TBC1D13: variants seen among roughly 807,000 people sequenced by gnomAD.
TBC1D13 encodes the protein TBC1 domain family member 13.
TBC1D13 carries 40 observed loss-of-function variants against 53.6 expected under a neutral mutation model. That is an observed-to-expected ratio of 0.75 (90% CI 0.58 to 0.97). The LOEUF (loss-of-function observed/expected upper bound fraction) is 0.97. Ranked by LOEUF, TBC1D13 falls within the 50% of genes least tolerant of loss-of-function variation. The probability of loss-of-function intolerance (pLI) is 0.00; values close to 1 mark genes in which losing one functional copy is unlikely to be tolerated. For missense variants in TBC1D13, 377 were observed against 499.4 expected (o/e 0.75, Z 2.34); for synonymous variants, 182 against 197.7 (o/e 0.92, Z 0.67).
At chr9:128,787,603 C>T (rs967211729) in intron 1 of TBC1D13, among the ~76,000 whole-genome samples, 5 of 151,880 alleles carry the variant, frequency 3.3e-5, no homozygotes, top group Admixed American at 1.3e-4. Flanking sequence ...TCATCCTGGA[C>T]CCCTGGTGTC....
At chr9:128,792,657 G>C in intron 6 of TBC1D13, 83 bp downstream of exon 6, 2 of 1,284,096 alleles carry the variant, frequency 1.6e-6, no homozygotes, top group Non-Finnish European at 2.2e-6. Context: ...TTTGCAGGCC[G>C]GGCCTATGGG....
rs1589574928 is a variant in TBC1D13, at chr9:128,803,126, T to G, written c.544-124T>G. 1.3e-5 allele frequency: 10 copies of G among 789,752 alleles called. No homozygotes were observed. The East Asian group carries it at 2.6e-4, about 21-fold the overall frequency. The allele number at this position is 789,752 out of a possible 1,614,324, so 48.9% of individuals were successfully genotyped here. Reference sequence around the variant, plus strand: ...TGGAATGCAATGGTGTAATCACGGCTCACTGCAGCCTCGACCACTGGGGCT... The same window carrying G: ...TGGAATGCAATGGTGTAATCACGGCGCACTGCAGCCTCGACCACTGGGGCT... On this transcript the variant is annotated intron_variant, in intron 7 of 11. Transcript: ENST00000372648.
In TBC1D13 at chr9:128,803,236, C is replaced by T. The variant is rs1324034223; in HGVS notation, c.544-14C>T. ...CATTGTCTTTCTTGATGGGCTCCTC[C>T]TCTTCTCCTCCAGATGAGCTCCCCA... On this transcript the variant is annotated splice_polypyrimidine_tract_variant and intron_variant, in intron 7 of 11. Transcript: ENST00000372648. The T allele has an allele frequency of 1.2e-6, 2 of 1,612,132 alleles. No homozygotes were observed. Among genetic ancestry groups the T allele is most frequent in the South Asian group, 1.1e-5 (1 of 91,034 alleles).
intron 3 of TBC1D13, among the ~76,000 whole-genome samples, chr9:128,791,068 T>C (rs1326277703): frequency 6.6e-6 from 1 of 152,152 alleles, no homozygotes; most frequent in Non-Finnish European, 1.5e-5. Context: ...TGCCCAAAGC[T>C]CCCAGCTCAG....
intron 9 of TBC1D13, among the ~76,000 whole-genome samples, chr9:128,804,720 G>GTTTTTTTTTTTTTTTTTTT (rs1170366996): frequency 1.8e-5 from 1 of 56,392 alleles, no homozygotes; most frequent in Non-Finnish European, 3.0e-5. Context: ...TTTTTTTTCT[G>GTTTTTTTTTTTTTTTTTTT]TTTTTTTTTT....
Position 128,803,424 on chromosome 9 carries a change from TA to T in TBC1D13, c.719del (p.Tyr240SerfsTer56). 6.2e-7 allele frequency: 1 copy of T among 1,614,172 alleles called. No homozygotes were observed. The part of the protein sequence containing the change: ...GMNEIVGPLY[Y>X]TFATDPNSEW... The stretch of plus-strand genomic sequence containing the variant: ...GAATGAAATCGTGGGGCCCCTCTAC[TA>T]CACCTTTGCCACCGACCCCAATAGT... On this transcript the variant is annotated frameshift_variant, in exon 8 of 12. Coordinates refer to ENST00000372648, the MANE Select transcript of TBC1D13 (RefSeq NM_018201.5). LOFTEE classifies it high-confidence loss of function.
At position 128,808,977 on chromosome 9, in the gene TBC1D13, T is replaced by C. The variant is rs531150143; in HGVS notation, c.*1098T>C. 3.9e-5 allele frequency: 6 copies of C among 152,254 alleles called. No homozygotes were observed. In the East Asian group the frequency reaches 1.2e-3, roughly 30 times the overall value. The allele number at this position is 152,254 out of a possible 1,614,324, so 9.4% of individuals were successfully genotyped here. A position where few individuals can be genotyped will look rare whatever the true frequency, so the allele number is the denominator to read the frequency against. ...CTGTCCGAAAAGAAAAGGACCTTGATTCTGAGCCCAGGGTCGGAACCCATT... is the reference window on the plus strand; with the variant it reads ...CTGTCCGAAAAGAAAAGGACCTTGACTCTGAGCCCAGGGTCGGAACCCATT... On this transcript the variant is annotated 3_prime_UTR_variant, in exon 12 of 12. Transcript: ENST00000372648.
chr9:128,797,300 G>A (rs1016699023), intron 7 of TBC1D13, 86 bp downstream of exon 7: 42 of 1,410,608 alleles, frequency 3.0e-5, no homozygotes, highest in Middle Eastern at 4.8e-4. Flanking sequence ...CAAGGTGTCG[G>A]GCCATGACCA....
rs1829872643 is a variant in TBC1D13, at chr9:128,808,134, T to C, written c.*255T>C. The C allele has an allele frequency of 2.0e-6, 1 of 487,934 alleles. No individual in the cohort carries two copies. 30.2% of individuals were successfully genotyped at this position (487,934 alleles called of 1,614,324 possible). On this transcript the variant is annotated 3_prime_UTR_variant, in exon 12 of 12. Transcript: ENST00000372648. ...CTGGAGCTCGGGAAGTTGTCCTTCC[T>C]GGGCCAGGGCCGTTTCTGGCACTGG...
intron 7 of TBC1D13, among the ~76,000 whole-genome samples, chr9:128,800,696 A>T (rs960649954): frequency 6.6e-6 from 1 of 152,128 alleles, no homozygotes; most frequent in Admixed American, 6.6e-5. Flanking sequence ...AACATTCAGG[A>T]AAGTTGAAAG....
chr9:128,791,688 G>T lies in TBC1D13; in HGVS notation c.295G>T (p.Asp99Tyr). The change falls in exon 5 of 12, where the codon GAC becomes TAC. Residue 99 changes from aspartate (D) to tyrosine (Y), a missense_variant. Asp to Tyr is a radical substitution (Grantham distance 160, BLOSUM62 -3). Coordinates refer to ENST00000372648, the MANE Select transcript of TBC1D13 (RefSeq NM_018201.5). ...GTCCAGGGAGGATGTGACTTTTGAG[G>T]ACCATGTGAGTAGAGGTTGACAGCG... Reference protein sequence around the residue: ...GVSREDVTFEDHPLNPNPDSR... With the variant: ...GVSREDVTFEYHPLNPNPDSR... 2 of 1,613,974 alleles carry T rather than the reference G, an allele frequency of 1.2e-6. No homozygotes were observed. The highest frequency in any genetic ancestry group is 2.2e-5 in the South Asian group (2 of 91,052).
intron 6 of TBC1D13, among the ~76,000 whole-genome samples, chr9:128,794,465 T>TG (rs1380327744): frequency 4.4e-5 from 6 of 135,116 alleles, no homozygotes; most frequent in South Asian, 2.2e-4. Flanking sequence ...TTTTCTGTTT[T>TG]TTTTTTGTTT....
At chr9:128,796,312 C>T (rs1246947499) in intron 6 of TBC1D13, among the ~76,000 whole-genome samples, 9 of 151,974 alleles carry the variant, frequency 5.9e-5, no homozygotes, top group African/African-American at 1.2e-4. Context: ...TGCAATGGCA[C>T]GATCTCGGCT....
At position 128,803,819 on chromosome 9, in the gene TBC1D13, A is replaced by G. The variant is rs1490296322; in HGVS notation, c.755-137A>G. Reference sequence around the variant, plus strand: ...TTAGCCTGGGGGTGGAGAGGGGTCAAGGACAGAGGAAGGACTGAGCCAGAC... The same window carrying G: ...TTAGCCTGGGGGTGGAGAGGGGTCAGGGACAGAGGAAGGACTGAGCCAGAC... On this transcript the variant is annotated intron_variant, in intron 8 of 11. Transcript: ENST00000372648. 1.2e-5 allele frequency: 14 copies of G among 1,130,818 alleles called. No individual in the cohort carries two copies. In the East Asian group the frequency reaches 3.5e-4, roughly 28 times the overall value. The allele number at this position is 1,130,818 out of a possible 1,614,324, so 70.0% of individuals were successfully genotyped here. A position where few individuals can be genotyped will look rare whatever the true frequency, so the allele number is the denominator to read the frequency against.
At chr9:128,792,606 C>G in intron 6 of TBC1D13, 32 bp downstream of exon 6, 1 of 1,597,612 alleles carries the variant, frequency 6.3e-7, no homozygotes, top group South Asian at 1.1e-5. Context: ...GGGAGCTGGC[C>G]CATGGGACTT....
chr9:128,798,520 G>C (rs913770272), intron 7 of TBC1D13, among the ~76,000 whole-genome samples: 1 of 152,146 alleles, frequency 6.6e-6, no homozygotes, highest in African/African-American at 2.4e-5. Flanking sequence ...GGAGATACAG[G>C]AGTGGCGGTA....
intron 7 of TBC1D13, among the ~76,000 whole-genome samples, chr9:128,798,304 G>A (rs763170937): frequency 4.6e-5 from 7 of 152,144 alleles, no homozygotes; most frequent in Non-Finnish European, 1.0e-4. Flanking sequence ...GGCATATGCC[G>A]AAGTCCTCAG....
At chr9:128,799,878 A>T (rs1829700805) in intron 7 of TBC1D13, among the ~76,000 whole-genome samples, 1 of 152,158 alleles carries the variant, frequency 6.6e-6, no homozygotes, top group African/African-American at 2.4e-5. Flanking sequence ...AAAATTAGCC[A>T]GGTGTGGTCG....
chr9:128,806,225 C>T, intron 10 of TBC1D13, 29 bp from the exon 11 acceptor site: 11 of 1,614,026 alleles, frequency 6.8e-6, no homozygotes, highest in Non-Finnish European at 7.6e-6. Flanking sequence ...CATCCCAGGT[C>T]CCAGCGCTTT....
Sources: gnomAD v4.1 joint callset for allele counts (sites outside exome capture counted in the v4.1 genomes callset) on GRCh38, gnomAD v4.1.1 for gene constraint, MANE v1.5 for transcripts, NCBI Gene and HGNC (gene_info 2026-07-23, HGNC 2026-07-21) for gene names.